IQCH: variants seen among roughly 807,000 people sequenced by gnomAD.
IQCH encodes IQ motif containing H, also known as IQ domain-containing protein H.
A neutral mutation model predicts 117.0 loss-of-function variants in IQCH; 98 were observed. The observed-to-expected ratio is 0.84, with a 90% CI of 0.71 to 0.99. The LOEUF (loss-of-function observed/expected upper bound fraction) is 0.99, where lower values mean the gene tolerates loss of function less well. IQCH is among the 50% of genes least tolerant of loss of function. The pLI, the probability that IQCH is intolerant of heterozygous loss-of-function variation, is 0.00. For synonymous variants in IQCH, 412 were observed against 448.2 expected (o/e 0.92, Z 1.02); for missense variants, 1,102 against 1,243.8 (o/e 0.89, Z 1.72).
intron 4 of IQCH, among the ~76,000 whole-genome samples, chr15:67,307,585 C>T (rs1399811049): frequency 6.6e-6 from 1 of 151,994 alleles, no homozygotes; most frequent in East Asian, 1.9e-4. Context: ...TGCATATGGC[C>T]ACAATTACAG....
At chr15:67,441,113 C>A (rs1397607121) in intron 16 of IQCH, among the ~76,000 whole-genome samples, 1 of 65,194 alleles carries the variant, frequency 1.5e-5, no homozygotes, top group Non-Finnish European at 2.8e-5. Context: ...ACTCCTTTTG[C>A]AATAGCTGCA....
At chr15:67,271,939 T>C (rs1965914249) in intron 3 of IQCH, among the ~76,000 whole-genome samples, 1 of 152,130 alleles carries the variant, frequency 6.6e-6, no homozygotes, top group Non-Finnish European at 1.5e-5. Flanking sequence ...GTCTTTATTA[T>C]TTTTTACCTT....
At position 67,433,767 on chromosome 15, in the gene IQCH, G is replaced by T. The variant is rs980104409; in HGVS notation, c.2505+12190G>T. Among the ~76,000 whole-genome samples, 1 of 152,058 alleles carries T rather than the reference G, an allele frequency of 6.6e-6. No homozygotes were observed. Among genetic ancestry groups the T allele is most frequent in the Non-Finnish European group, 1.5e-5 (1 of 68,000 alleles). ...GCAGGAGGTAGGAAAAAAGGAAAAG[G>T]CTCCCTACTAATGCCAAGAAAGACC... On this transcript the variant is annotated intron_variant, in intron 16 of 20. Coordinates refer to ENST00000335894, the MANE Select transcript of IQCH (RefSeq NM_001031715.3). This position sits in a 1 kb window ranked among gnomAD's most constrained non-coding sequence, Gnocchi z 5.4.
chr15:67,437,372 A>G (rs567798848), intron 16 of IQCH, among the ~76,000 whole-genome samples: 1 of 152,332 alleles, frequency 6.6e-6, no homozygotes, highest in South Asian at 2.1e-4. Context: ...TACTACATCA[A>G]GGGAACAACC....
intron 16 of IQCH, among the ~76,000 whole-genome samples, chr15:67,441,212 A>C (rs925745324): frequency 6.6e-6 from 1 of 151,802 alleles, no homozygotes; most frequent in Non-Finnish European, 1.5e-5. Flanking sequence ...GAAAACTACA[A>C]AATACTGCTG....
chr15:67,439,872 G>A (rs1468041505), intron 16 of IQCH, among the ~76,000 whole-genome samples: 84 of 118,630 alleles, frequency 7.1e-4, no homozygotes, highest in African/African-American at 2.7e-3. Flanking sequence ...TGGGCAACAA[G>A]AGCAAAACTC....
chr15:67,260,243 G>T (rs185763694), intron 1 of IQCH, among the ~76,000 whole-genome samples: 2 of 152,114 alleles, frequency 1.3e-5, no homozygotes, highest in African/African-American at 2.4e-5. Context: ...TCTGAAGTTT[G>T]GTTTCTAATA....
intron 16 of IQCH, among the ~76,000 whole-genome samples, chr15:67,435,104 C>T (rs748212622): frequency 2.6e-5 from 4 of 151,656 alleles, no homozygotes; most frequent in Non-Finnish European, 5.9e-5. Context: ...ATCCACCCGC[C>T]TCTGCCTCCC....
intron 3 of IQCH, among the ~76,000 whole-genome samples, chr15:67,276,064 A>G (rs912519164): frequency 3.3e-5 from 5 of 152,200 alleles, no homozygotes; most frequent in African/African-American, 9.7e-5. Context: ...TAACACATCT[A>G]TATGTATGTT....
In IQCH at chr15:67,494,689, A is replaced by G. The variant is rs2083757557; in HGVS notation, c.2970+323A>G. On this transcript the variant is annotated intron_variant, in intron 20 of 20. Coordinates refer to ENST00000335894, the MANE Select transcript of IQCH (RefSeq NM_001031715.3). The surrounding 1 kb of genome is among the most constrained non-coding windows in gnomAD (Gnocchi z 5.5). ...ACCAAAACAGAGATCGTCACAACCAAAAATTGCGAATGTTATCTATCTATA... is the reference window on the plus strand; with the variant it reads ...ACCAAAACAGAGATCGTCACAACCAGAAATTGCGAATGTTATCTATCTATA... Among the ~76,000 whole-genome samples, 1 of 152,220 alleles carries G rather than the reference A, an allele frequency of 6.6e-6. No homozygotes were observed. The highest frequency in any genetic ancestry group is 1.5e-5 in the Non-Finnish European group (1 of 68,036).
At chr15:67,464,997 C>T (rs1362650779) in intron 16 of IQCH, 130 bp from the exon 17 acceptor site, 1 of 740,092 alleles carries the variant, frequency 1.4e-6, no homozygotes, top group Non-Finnish European at 2.3e-6. Context: ...GGAAAAACAT[C>T]TACTCCATTA....
chr15:67,260,312 C>A (rs1965405239), intron 1 of IQCH, among the ~76,000 whole-genome samples: 1 of 152,026 alleles, frequency 6.6e-6, no homozygotes, highest in African/African-American at 2.4e-5. Context: ...TCTGAGGGTG[C>A]CTGATGTTGG....
chr15:67,284,167 A>G lies in IQCH; in HGVS notation c.387+4655A>G, dbSNP rs117906451. ...ATTCTTTCTATTTTTTGTACCCATT[A>G]ACCATCCCCACTTCCCCCTAACCCA... On this transcript the variant is annotated intron_variant, in intron 4 of 20. Transcript: ENST00000335894. 4.6e-3 allele frequency among the ~76,000 whole-genome samples: 707 copies of G among 152,196 alleles called. 2 individuals carry two copies. Among genetic ancestry groups the G allele is most frequent in the Non-Finnish European group, 6.8e-3 (459 of 67,956 alleles).
At chr15:67,255,985 A>G (rs1292240707) in intron 1 of IQCH, among the ~76,000 whole-genome samples, 1 of 152,148 alleles carries the variant, frequency 6.6e-6, no homozygotes, top group African/African-American at 2.4e-5. Context: ...CCCTAACTTC[A>G]ACACTCACTA....
chr15:67,487,768 TTGA>T (rs751820761), intron 18 of IQCH, among the ~76,000 whole-genome samples: 66 of 152,098 alleles, frequency 4.3e-4, no homozygotes, highest in Non-Finnish European at 8.2e-4. Flanking sequence ...AAGTGGGAAG[TTGA>T]TGAGTGGTCC....
In IQCH at chr15:67,425,265, T is replaced by C. The variant is rs2081855959; in HGVS notation, c.2505+3688T>C. On this transcript the variant is annotated intron_variant, in intron 16 of 20. Coordinates refer to ENST00000335894, the MANE Select transcript of IQCH (RefSeq NM_001031715.3). The surrounding 1 kb of genome is among the most constrained non-coding windows in gnomAD (Gnocchi z 5.5). ...GTAAATACCTTCTCTCAGATTGTCA[T>C]TTGTGGCTTTCCTCTCTCTCTTTTT... Among the ~76,000 whole-genome samples the C allele has an allele frequency of 6.6e-6, 1 of 152,194 alleles. No homozygotes were observed. The highest frequency in any genetic ancestry group is 2.4e-5 in the African/African-American group (1 of 41,452).
intron 18 of IQCH, among the ~76,000 whole-genome samples, chr15:67,488,575 A>T (rs1251377550): frequency 6.6e-6 from 1 of 152,332 alleles, no homozygotes; most frequent in East Asian, 1.9e-4. Flanking sequence ...CTGATAAGGC[A>T]GCAGGGAGTG....
chr15:67,304,209 T>C (rs1421374029), intron 4 of IQCH: 3 of 542,796 alleles, frequency 5.5e-6, no homozygotes, highest in African/African-American at 1.9e-5. Flanking sequence ...GATCCAAATA[T>C]ATTTTTTTCC....
chr15:67,290,349 A>G (rs988927642), intron 4 of IQCH, among the ~76,000 whole-genome samples: 1 of 152,052 alleles, frequency 6.6e-6, no homozygotes, highest in African/African-American at 2.4e-5. Flanking sequence ...TTTTATTTTA[A>G]TGCTGCATCA....
Sources: allele counts gnomAD v4.1 joint callset (sites outside exome capture counted in the v4.1 genomes callset), GRCh38; gene constraint gnomAD v4.1.1; non-coding constraint Gnocchi (gnomAD v3.1); transcripts MANE v1.5; gene names NCBI Gene and HGNC (gene_info 2026-07-23, HGNC 2026-07-21).